The following TTC28 variants were observed in gnomAD, a reference collection of about 807,000 sequenced individuals.
TTC28 encodes tetratricopeptide repeat protein 28.
TTC28 carries 61 observed loss-of-function variants against 198.0 expected under a neutral mutation model. The ratio of observed to expected loss-of-function variants is 0.31; its 90% CI spans 0.25 to 0.38. The LOEUF (loss-of-function observed/expected upper bound fraction) is 0.38. TTC28 is among the 10% of genes least tolerant of loss of function. The probability of loss-of-function intolerance (pLI) is 1.00; values close to 1 mark genes in which losing one functional copy is unlikely to be tolerated. For synonymous variants in TTC28, 1,171 were observed against 1,297.8 expected (o/e 0.90, Z 2.10); for missense variants, 2,678 against 3,164.0 (o/e 0.85, Z 3.69).
chr22:28,219,220 C>A (rs936321224), intron 5 of TTC28, among the ~76,000 whole-genome samples: 1 of 152,042 alleles, frequency 6.6e-6, no homozygotes, highest in Admixed American at 6.6e-5. Flanking sequence ...AAAAAAATAC[C>A]CACTTCGTCT....
intron 12 of TTC28, among the ~76,000 whole-genome samples, chr22:28,052,663 A>C (rs1940132470): frequency 1.3e-5 from 2 of 152,236 alleles, no homozygotes; most frequent in Non-Finnish European, 2.9e-5. Flanking sequence ...ATACAAAAAA[A>C]TTGTGTTGGC....
chr22:28,071,746 A>C (rs1400228406), intron 12 of TTC28, among the ~76,000 whole-genome samples: 1 of 141,784 alleles, frequency 7.1e-6, no homozygotes. Flanking sequence ...AAAAAAAAAA[A>C]GGAAAAAAAA....
chr22:28,568,046 G>A (rs2050007729), intron 2 of TTC28, among the ~76,000 whole-genome samples: 1 of 152,088 alleles, frequency 6.6e-6, no homozygotes, highest in Non-Finnish European at 1.5e-5. Context: ...TAATTCAGGG[G>A]AAAACAAGGT....
At position 28,334,254 on chromosome 22, in the gene TTC28, A is replaced by T. The variant is rs372453906; in HGVS notation, c.382-27611T>A. 2.0e-4 allele frequency among the ~76,000 whole-genome samples: 31 copies of T among 151,972 alleles called. 1 individual carries two copies. The highest frequency in any genetic ancestry group is 1.0e-3 in the Admixed American group (16 of 15,264). ...ATTTTCTTAATCCAGTCTATCATTG[A>T]TGGACATTTGGGTTGGTTCCAAGTC... On this transcript the variant is annotated intron_variant, in intron 2 of 22. Coordinates refer to ENST00000397906, the MANE Select transcript of TTC28 (RefSeq NM_001145418.2).
At chr22:28,277,822 G>C (rs2044500131) in intron 5 of TTC28, among the ~76,000 whole-genome samples, 1 of 151,960 alleles carries the variant, frequency 6.6e-6, no homozygotes, top group South Asian at 2.1e-4. Context: ...TCTCCAATCT[G>C]GCCCCGAGGA....
chr22:27,982,529 C>A lies in TTC28; in HGVS notation c.7138G>T (p.Gly2380Trp). 6.4e-7 allele frequency: 1 copy of A among 1,551,704 alleles called. No individual in the cohort carries two copies. The highest frequency in any genetic ancestry group is 1.7e-4 in the Middle Eastern group (1 of 5,992). The change falls in exon 23 of 23, where the codon GGG becomes TGG. Residue 2380 changes from glycine to tryptophan, a missense_variant. Coordinates refer to ENST00000397906, the MANE Select transcript of TTC28 (RefSeq NM_001145418.2). This position sits in a 1 kb window ranked among gnomAD's most constrained non-coding sequence, Gnocchi z 5.2. ...TTGGAAGTCATCGTGCCAGGAGCCCCCCGGAAGATCTTCATTGGCCCTGTG... is the reference window on the plus strand; with the variant it reads ...TTGGAAGTCATCGTGCCAGGAGCCCACCGGAAGATCTTCATTGGCCCTGTG... The part of the protein sequence containing the change: ...HSTGPMKIFR[G>W]APGTMTSKRD...
In TTC28 at chr22:28,107,042, T is replaced by C. The variant is rs1233366792; in HGVS notation, c.2783+20A>G. 1.7e-5 allele frequency: 26 copies of C among 1,534,204 alleles called. No homozygotes were observed. Among genetic ancestry groups the C allele is most frequent in the African/African-American group, 9.6e-5 (7 of 72,622 alleles). ...CTTTTTGCAGAACTATAAACCACAA[T>C]TGTCCTTGGTCATTTTTACCTGTGT... On this transcript the variant is annotated intron_variant, in intron 7 of 22. Transcript: ENST00000397906.
intron 2 of TTC28, among the ~76,000 whole-genome samples, chr22:28,353,431 T>C (rs1050638009): frequency 1.3e-5 from 2 of 152,316 alleles, no homozygotes; most frequent in Middle Eastern, 3.4e-3. Context: ...ACTCACACTT[T>C]CTGCTTTCAA....
At position 27,998,440 on chromosome 22, in the gene TTC28, T is replaced by G. The variant is rs952001641; in HGVS notation, c.5119+100A>C. 20 of 1,453,246 alleles carry G rather than the reference T, an allele frequency of 1.4e-5. No individual in the cohort carries two copies. The African/African-American group carries it at 2.3e-4, about 16-fold the overall frequency. The allele number at this position is 1,453,246 out of a possible 1,614,324, so 90.0% of individuals were successfully genotyped here. On this transcript the variant is annotated intron_variant, in intron 16 of 22. Transcript: ENST00000397906. The stretch of plus-strand genomic sequence containing the variant: ...GAGTCTTCTGTGGCTGGCCTTGCCC[T>G]GCCCTCCCCTCCCCAACCCCACTGG...
chr22:28,634,860 C>T (rs938747954), intron 1 of TTC28, among the ~76,000 whole-genome samples: 1 of 151,452 alleles, frequency 6.6e-6, no homozygotes, highest in Non-Finnish European at 1.5e-5. Context: ...GCTGGGATTA[C>T]AGGCATGAGC....
chr22:27,994,300 C>T (rs1937511361), intron 17 of TTC28, among the ~76,000 whole-genome samples: 1 of 152,152 alleles, frequency 6.6e-6, no homozygotes, highest in African/African-American at 2.4e-5. Context: ...CCTAAAAACA[C>T]ACCCAAAAAC....
chr22:28,577,847 T>C (rs975237164), intron 2 of TTC28, among the ~76,000 whole-genome samples: 2 of 152,176 alleles, frequency 1.3e-5, no homozygotes, highest in African/African-American at 2.4e-5. Context: ...TTTTCAGTTA[T>C]GTGTGTCTTT....
intron 5 of TTC28, among the ~76,000 whole-genome samples, chr22:28,281,595 T>G (rs1377838182): frequency 6.6e-6 from 1 of 152,238 alleles, no homozygotes; most frequent in African/African-American, 2.4e-5. Flanking sequence ...ATATCTTTTT[T>G]CTTTAGCATG....
intron 12 of TTC28, among the ~76,000 whole-genome samples, chr22:28,064,194 A>C (rs967709721): frequency 1.3e-5 from 2 of 152,164 alleles, no homozygotes; most frequent in Non-Finnish European, 2.9e-5. Context: ...TGTTATATTT[A>C]GTTTGCAAGG....
At chr22:28,658,991 T>C (rs1268252746) in intron 1 of TTC28, among the ~76,000 whole-genome samples, 1 of 152,038 alleles carries the variant, frequency 6.6e-6, no homozygotes, top group African/African-American at 2.4e-5. Flanking sequence ...AGTGAGATTC[T>C]GTCTCAAAAA....
chr22:28,293,080 G>C (rs1220875098), intron 5 of TTC28, among the ~76,000 whole-genome samples: 1 of 152,124 alleles, frequency 6.6e-6, no homozygotes, highest in Non-Finnish European at 1.5e-5. Flanking sequence ...AGGAATACAG[G>C]GATAAAGATT....
chr22:28,040,324 T>C (rs565701476), intron 12 of TTC28, among the ~76,000 whole-genome samples: 5 of 152,244 alleles, frequency 3.3e-5, no homozygotes, highest in South Asian at 4.1e-4. Context: ...TGAACATCAG[T>C]GCGAAAATCC....
intron 15 of TTC28, 134 bp downstream of exon 15, chr22:28,001,240 T>C (rs1937674275): frequency 1.0e-5 from 12 of 1,185,458 alleles, no homozygotes; most frequent in Non-Finnish European, 1.4e-5. Flanking sequence ...GCTACCTGCG[T>C]GCAAATCATA....
At chr22:28,102,321 G>T (rs190928630) in intron 8 of TTC28, among the ~76,000 whole-genome samples, 1 of 152,126 alleles carries the variant, frequency 6.6e-6, no homozygotes, top group Non-Finnish European at 1.5e-5. Context: ...CCTCAGCGGG[G>T]TTGCAAAACA....
Sources: gnomAD v4.1 joint callset for allele counts (sites outside exome capture counted in the v4.1 genomes callset) on GRCh38, gnomAD v4.1.1 for gene constraint, Gnocchi (gnomAD v3.1) non-coding constraint, MANE v1.5 for transcripts, NCBI Gene and HGNC (gene_info 2026-07-23, HGNC 2026-07-21) for gene names.